PARD3: variants seen among roughly 807,000 people sequenced by gnomAD.
The protein encoded by PARD3 is partitioning defective 3 homolog.
PARD3 carries 75 observed loss-of-function variants against 155.4 expected under a neutral mutation model. The ratio of observed to expected loss-of-function variants is 0.48; its 90% CI spans 0.40 to 0.58. The LOEUF is 0.58. Ranked by LOEUF, PARD3 falls within the 20% of genes least tolerant of loss-of-function variation. PARD3 has a pLI of 0.00. For missense variants in PARD3, 1,642 were observed against 1,721.7 expected (o/e 0.95, Z 0.82); for synonymous variants, 576 against 610.5 (o/e 0.94, Z 0.83).
chr10:34,516,227 A>G (rs1589844945), intron 3 of PARD3, among the ~76,000 whole-genome samples: 1 of 152,302 alleles, frequency 6.6e-6, no homozygotes, highest in South Asian at 2.1e-4. Flanking sequence ...AGCCTCCCAA[A>G]GTGCTGGGAT....
At chr10:34,594,544 AG>A (rs1300571386) in intron 2 of PARD3, among the ~76,000 whole-genome samples, 1 of 151,572 alleles carries the variant, frequency 6.6e-6, no homozygotes, top group Non-Finnish European at 1.5e-5. Flanking sequence ...AAGTGATGCC[AG>A]GAATTACGAC....
At chr10:34,676,327 C>T (rs545956025) in intron 2 of PARD3, among the ~76,000 whole-genome samples, 12 of 152,222 alleles carry the variant, frequency 7.9e-5, no homozygotes, top group East Asian at 7.7e-4. Context: ...GGAAACAAAA[C>T]GCTCTGAAGA....
chr10:34,742,792 AG>A (rs1232153143), intron 1 of PARD3, among the ~76,000 whole-genome samples: 1 of 152,234 alleles, frequency 6.6e-6, no homozygotes, highest in Non-Finnish European at 1.5e-5. Context: ...CAAAAGAAGA[AG>A]GGAGACAATG....
In PARD3 at chr10:34,389,239, T is replaced by TAAAAAAAAAAAAAAAAAAA. The variant is rs57615675; in HGVS notation, c.891-5004_891-4986dup. On this transcript the variant is annotated intron_variant, in intron 7 of 24. Transcript: ENST00000374788. ...GACTTCGTTTTTGAACAATGTTTCT[T>TAAAAAAAAAAAAAAAAAAA]AAAAAAAAAAAAAAAAAAAAAAAAA... is the stretch of plus-strand genomic sequence containing the variant. Among the ~76,000 whole-genome samples the TAAAAAAAAAAAAAAAAAAA allele has an allele frequency of 4.6e-5, 3 of 65,882 alleles. 1 individual carries two copies. The highest frequency in any genetic ancestry group is 2.2e-4 in the African/African-American group (3 of 13,794). The allele number at this position is 65,882 out of a possible 152,430, so 43.2% of individuals were successfully genotyped here.
intron 20 of PARD3, among the ~76,000 whole-genome samples, chr10:34,285,314 C>T (rs1424166553): frequency 6.6e-6 from 1 of 152,086 alleles, no homozygotes; most frequent in Non-Finnish European, 1.5e-5. Flanking sequence ...AATTCTAGCA[C>T]TTTGGGAGGC....
rs1213531052 is a variant in PARD3 at position 34,372,506 on chromosome 10, T to C, written c.1699A>G (p.Lys567Glu). The C allele has an allele frequency of 6.2e-7, 1 of 1,610,776 alleles. No homozygotes were observed. Among genetic ancestry groups the C allele is most frequent in the African/African-American group, 1.3e-5 (1 of 74,830 alleles). ...AAAGACAAAGCTCTTACCGTTTCTT[T>C]TGGAATCTGCATCTGGCTTGGCTCT... ...NAEPSQMQIP[K>E]ETKAEDEDIV... is the part of the protein sequence containing the mutation. The change falls in exon 12 of 25, where the codon AAA becomes GAA. Residue 567 changes from lysine (K) to glutamate (E), a missense_variant. Transcript: ENST00000374788.
intron 23 of PARD3, among the ~76,000 whole-genome samples, chr10:34,128,450 A>G (rs1947406743): frequency 6.6e-6 from 1 of 152,240 alleles, no homozygotes; most frequent in Non-Finnish European, 1.5e-5. Context: ...AGCATATAAT[A>G]CATAAAATGT....
chr10:34,798,784 T>C (rs1026445623), intron 1 of PARD3, among the ~76,000 whole-genome samples: 1 of 151,450 alleles, frequency 6.6e-6, no homozygotes, highest in African/African-American at 2.4e-5. Flanking sequence ...TGCTGGCTGA[T>C]CATCTCAACT....
At chr10:34,394,643 T>C (rs977937380) in intron 7 of PARD3, among the ~76,000 whole-genome samples, 4 of 152,178 alleles carry the variant, frequency 2.6e-5, no homozygotes, top group South Asian at 2.1e-4. Flanking sequence ...CAAAATCTTA[T>C]CATTTCATAG....
At chr10:34,345,268 G>T in intron 15 of PARD3, 1 of 985,274 alleles carries the variant, frequency 1.0e-6, no homozygotes, top group Non-Finnish European at 1.2e-6. Flanking sequence ...TTCCTTTTGG[G>T]GTGTATCTTT....
chr10:34,349,580 T>TAAAAAAA lies in PARD3; in HGVS notation c.2068-1472_2068-1466dup. Reference sequence around the variant, plus strand: ...TAAATTCCAAGAGACTCTGGGAAAGTAAAAAAAAAAAAAAAAAAAAAAAAA... The same window carrying TAAAAAAA: ...TAAATTCCAAGAGACTCTGGGAAAGTAAAAAAAAAAAAAAAAAAAAAAAAAAAAAAAA... On this transcript the variant is annotated intron_variant, in intron 14 of 24. Transcript: ENST00000374788. Among the ~76,000 whole-genome samples, 53 of 44,712 alleles carry TAAAAAAA rather than the reference T, an allele frequency of 1.2e-3. 1 individual carries two copies. Among genetic ancestry groups the TAAAAAAA allele is most frequent in the East Asian group, 6.8e-3 (7 of 1,032 alleles). The allele number at this position is 44,712 out of a possible 152,430, so 29.3% of individuals were successfully genotyped here.
Position 34,666,493 on chromosome 10 carries a change from GA to G in PARD3, c.222+29824del, listed in dbSNP as rs533666225. Among the ~76,000 whole-genome samples, 53 of 152,018 alleles carry G rather than the reference GA, an allele frequency of 3.5e-4. 1 individual carries two copies. In the South Asian group the frequency reaches 0.011, roughly 31 times the overall value. ...AGGTGGCACTCGAGGAATTGCTCAA[GA>G]AAACCCCGAGCACATTGCCAGATAC... is the stretch of plus-strand genomic sequence containing the variant. On this transcript the variant is annotated intron_variant, in intron 2 of 24. Coordinates refer to ENST00000374788, the MANE Select transcript of PARD3 (RefSeq NM_001184785.2).
intron 2 of PARD3, among the ~76,000 whole-genome samples, chr10:34,592,767 T>A (rs2050456930): frequency 6.7e-6 from 1 of 149,822 alleles, no homozygotes; most frequent in Admixed American, 6.6e-5. Flanking sequence ...AGAGCAATAC[T>A]CTGTCTCAAA....
At chr10:34,608,220 G>A (rs1055206292) in intron 2 of PARD3, among the ~76,000 whole-genome samples, 4 of 152,140 alleles carry the variant, frequency 2.6e-5, no homozygotes, top group Non-Finnish European at 5.9e-5. Flanking sequence ...AAACATACTA[G>A]AATTAAAATA....
intron 22 of PARD3, among the ~76,000 whole-genome samples, chr10:34,139,687 C>G (rs114761189): frequency 6.6e-6 from 1 of 152,140 alleles, no homozygotes; most frequent in Non-Finnish European, 1.5e-5. Flanking sequence ...TGACCACCAG[C>G]GTCTCAGATC....
intron 3 of PARD3, among the ~76,000 whole-genome samples, chr10:34,508,270 T>A (rs1589818309): frequency 6.6e-6 from 1 of 152,220 alleles, no homozygotes; most frequent in Middle Eastern, 3.4e-3. Flanking sequence ...AATAAAAAGT[T>A]AAAAATAACA....
intron 2 of PARD3, among the ~76,000 whole-genome samples, chr10:34,567,815 T>C (rs967380263): frequency 3.3e-5 from 5 of 152,226 alleles, no homozygotes; most frequent in African/African-American, 7.2e-5. Context: ...CTTTGCACAA[T>C]AGATGTGACA....
intron 2 of PARD3, among the ~76,000 whole-genome samples, chr10:34,569,821 A>G (rs1461543577): frequency 2.0e-5 from 3 of 151,862 alleles, no homozygotes; most frequent in African/African-American, 7.2e-5. Context: ...AAAACGCTAA[A>G]GTCATTCACA....
chr10:34,347,426 C>T (rs939662617), intron 15 of PARD3, among the ~76,000 whole-genome samples: 2 of 151,900 alleles, frequency 1.3e-5, no homozygotes, highest in Non-Finnish European at 2.9e-5. Context: ...AGACTAGTTT[C>T]GCGATTTTAA....
Sources: gnomAD v4.1 joint callset for allele counts (sites outside exome capture counted in the v4.1 genomes callset) on GRCh38, gnomAD v4.1.1 for gene constraint, MANE v1.5 for transcripts, NCBI Gene and HGNC (gene_info 2026-07-23, HGNC 2026-07-21) for gene names.